The following JMJD6 variants were observed in gnomAD, a reference collection of about 807,000 sequenced individuals.
The protein encoded by JMJD6 is jumonji domain containing 6, arginine demethylase and lysine hydroxylase.
In JMJD6, 17 loss-of-function variants were observed where a neutral mutation model predicts 45.8. That is an observed-to-expected ratio of 0.37 (90% CI 0.25 to 0.56). The LOEUF is 0.56. Ranked by LOEUF, JMJD6 falls within the 20% of genes least tolerant of loss-of-function variation. The probability of loss-of-function intolerance (pLI) is 0.79; values close to 1 mark genes in which losing one functional copy is unlikely to be tolerated. For missense variants in JMJD6, 470 were observed against 517.5 expected (o/e 0.91, Z 0.89); for synonymous variants, 221 against 196.3 (o/e 1.13, Z -1.05).
intron 5 of JMJD6, 28 bp from the exon 6 acceptor site, chr17:76,718,888 A>C (rs751781093): frequency 1.6e-5 from 25 of 1,606,506 alleles, no homozygotes; most frequent in South Asian, 2.2e-5. Flanking sequence ...GAAAACAAGG[A>C]GTCAACCTGG....
chr17:76,717,641 A>G (rs933649490), downstream of JMJD6, among the ~76,000 whole-genome samples: 22 of 151,972 alleles, frequency 1.4e-4, no homozygotes, highest in Non-Finnish European at 2.9e-5. Flanking sequence ...TGAGGTGAGG[A>G]GTTCAAGACC....
At chr17:76,715,932 G>A (rs1703334252), downstream of JMJD6, 1 of 152,204 alleles carries the variant, frequency 6.6e-6, no homozygotes, top group South Asian at 2.1e-4. Context: ...GCTAATCTCA[G>A]AGTACCTCGC....
downstream of JMJD6, chr17:76,713,920 C>T (rs1003346683): frequency 6.6e-6 from 1 of 152,242 alleles, no homozygotes; most frequent in Admixed American, 6.5e-5. Flanking sequence ...TGAACAGCCG[C>T]AACAGCCGCA....
rs748132877 is a variant in JMJD6, at chr17:76,718,744, G to A, written c.1197C>T (p.Arg399=). The A allele has an allele frequency of 3.7e-6, 6 of 1,614,028 alleles. No homozygotes were observed. The highest frequency in any genetic ancestry group is 3.4e-6 in the Non-Finnish European group (4 of 1,179,984). The change falls in exon 6 of 6, where the codon CGC becomes CGT. Residue 399 remains arginine (R), a synonymous_variant. Transcript: ENST00000397625. ...CCTTGCTGGGTCACCTGGAGGAGCTGCGCTCTTTGCTGACACAGTCGTCCT... is the reference window on the plus strand; with the variant it reads ...CCTTGCTGGGTCACCTGGAGGAGCTACGCTCTTTGCTGACACAGTCGTCCT... The part of the protein sequence containing the change: ...TSQDDCVSKE[R]SSSR
At chr17:76,723,244 C>A (rs1009914612) in intron 3 of JMJD6, among the ~76,000 whole-genome samples, 2 of 152,040 alleles carry the variant, frequency 1.3e-5, no homozygotes, top group African/African-American at 4.8e-5. Context: ...CCGCACCGGG[C>A]CTGCATACAG....
chr17:76,717,890 C>T (rs1412416956), downstream of JMJD6, among the ~76,000 whole-genome samples: 1 of 151,862 alleles, frequency 6.6e-6, no homozygotes, highest in Non-Finnish European at 1.5e-5. Context: ...ACTCGGGAGG[C>T]TGAGGCAGGA....
chr17:76,723,983 G>A lies in JMJD6; in HGVS notation c.594C>T (p.Ala198=). 1 of 1,614,136 alleles carries A rather than the reference G, an allele frequency of 6.2e-7. No individual in the cohort carries two copies. The highest frequency in any genetic ancestry group is 1.3e-5 in the African/African-American group (1 of 75,026). Residue 198 remains alanine, a synonymous_variant, in exon 3 of 6, where the codon GCC becomes GCT. Coordinates refer to ENST00000397625, the MANE Select transcript of JMJD6 (RefSeq NM_015167.3). ...IDPLGTSAWN[A]LVQGHKRWCL... is the part of the protein sequence containing the mutation. Reference sequence around the variant, plus strand: ...ACCAGCGCTTGTGGCCCTGAACTAAGGCATTCCAGGCACTGGTTCCCAGAG... The same window carrying A: ...ACCAGCGCTTGTGGCCCTGAACTAAAGCATTCCAGGCACTGGTTCCCAGAG...
At chr17:76,721,383 TC>T in intron 4 of JMJD6, 1 of 390,470 alleles carries the variant, frequency 2.6e-6, no homozygotes. Flanking sequence ...GAGCTAAGTC[TC>T]CAGGGCAGTC....
chr17:76,718,600 T>C lies in JMJD6; in HGVS notation c.*129A>G, dbSNP rs745679100. On this transcript the variant is annotated 3_prime_UTR_variant, in exon 6 of 6. Coordinates refer to ENST00000397625, the MANE Select transcript of JMJD6 (RefSeq NM_015167.3). ...CAAACGCTAAGTGAATGGGTTCCCG[T>C]GCCGAGGGTGTCCTCATTCTTGGGC... is the stretch of plus-strand genomic sequence containing the variant. 1.4e-5 allele frequency: 21 copies of C among 1,469,496 alleles called. No individual in the cohort carries two copies. The East Asian group carries it at 4.4e-4, about 31-fold the overall frequency. 91.0% of individuals were successfully genotyped at this position (1,469,496 alleles called of 1,614,324 possible). A position where few individuals can be genotyped will look rare whatever the true frequency, so the allele number is the denominator to read the frequency against.
rs765955362 is a variant in JMJD6 at position 76,720,417 on chromosome 17, GTCGGAAGCTAT to G, written c.1012_1022del (p.Ile338GlnfsTer138). 1 of 1,614,144 alleles carries G rather than the reference GTCGGAAGCTAT, an allele frequency of 6.2e-7. No homozygotes were observed. The highest frequency in any genetic ancestry group is 8.5e-7 in the Non-Finnish European group (1 of 1,179,980). Reference sequence around the variant, plus strand: ...AGGAGCTGGAAGAGTCGCTGGAGCTGTCGGAAGCTATCCCTGTGGACTCCTGAAGGTCAACC... The same window carrying G: ...AGGAGCTGGAAGAGTCGCTGGAGCTGCCCTGTGGACTCCTGAAGGTCAACC... On this transcript the variant is annotated frameshift_variant, in exon 5 of 6. Coordinates refer to ENST00000397625, the MANE Select transcript of JMJD6 (RefSeq NM_015167.3). LOFTEE classifies it high-confidence loss of function.
intron 1 of JMJD6, 23 bp from the exon 2 acceptor site, chr17:76,725,878 G>T: frequency 1.9e-6 from 3 of 1,541,126 alleles, no homozygotes; most frequent in South Asian, 2.5e-5. Flanking sequence ...AAAAAGACCT[G>T]TCCAGTTAAA....
chr17:76,719,919 C>T (rs900251974), intron 5 of JMJD6, among the ~76,000 whole-genome samples: 1 of 152,056 alleles, frequency 6.6e-6, no homozygotes, highest in Non-Finnish European at 1.5e-5. Context: ...GTCAGGAGTT[C>T]GAGACCAGCC....
intron 1 of JMJD6, among the ~76,000 whole-genome samples, 194 bp downstream of exon 1, chr17:76,726,153 G>A (rs1260431202): frequency 2.0e-5 from 3 of 152,238 alleles, no homozygotes; most frequent in Non-Finnish European, 4.4e-5. Context: ...AGAGCAGACG[G>A]GCGGCCACAG....
downstream of JMJD6, chr17:76,713,815 A>C (rs531630616): frequency 6.6e-6 from 1 of 152,352 alleles, no homozygotes; most frequent in East Asian, 1.9e-4. Flanking sequence ...CCTTAAGTAT[A>C]CATTGGTGTT....
chr17:76,719,119 A>C (rs1424885710), intron 5 of JMJD6, among the ~76,000 whole-genome samples: 1 of 152,202 alleles, frequency 6.6e-6, no homozygotes, highest in African/African-American at 2.4e-5. Flanking sequence ...CTGTCTGAAT[A>C]GGATACCCAT....
At chr17:76,723,586 G>A (rs981604461) in intron 3 of JMJD6, among the ~76,000 whole-genome samples, 186 bp downstream of exon 3, 18 of 151,800 alleles carry the variant, frequency 1.2e-4, no homozygotes, top group African/African-American at 4.1e-4. Context: ...GACTATAGGC[G>A]CCCACCACCA....
Position 76,725,567 on chromosome 17 carries a change from G to A in JMJD6, c.418C>T (p.His140Tyr). Residue 140 changes from histidine to tyrosine, a missense_variant, in exon 2 of 6, where the codon CAC (histidine) becomes TAC (tyrosine). His to Tyr is a moderately conservative substitution (Grantham distance 83). This residue lies in a region of JMJD6 where 346 missense variants were observed against 339.5 expected (regional missense o/e 1.02). Coordinates refer to ENST00000397625, the MANE Select transcript of JMJD6 (RefSeq NM_015167.3). ...TCCAAAAGTTTCCTTCTTTTAGGGT[G>A]TTCACCATAGCTGCTGTCAAAGATG... The part of the protein sequence containing the change: ...LYIFDSSYGE[H>Y]PKRRKLLEDY... The A allele has an allele frequency of 3.1e-6, 5 of 1,614,086 alleles. No individual in the cohort carries two copies. Among genetic ancestry groups the A allele is most frequent in the Non-Finnish European group, 3.4e-6 (4 of 1,180,008 alleles).
In JMJD6 at chr17:76,720,284, AAG is replaced by A. The variant is rs1247227404; in HGVS notation, c.1080+74_1080+75del. ...TATCCTTCTCCTGGATAGGAGGAGG[AAG>A]AGTCACACCTGGTTATGACTGAGTT... On this transcript the variant is annotated intron_variant, in intron 5 of 5. Transcript: ENST00000397625. 6 of 1,323,186 alleles carry A rather than the reference AAG, an allele frequency of 4.5e-6. No homozygotes were observed. The Admixed American group carries it at 1.0e-4, about 23-fold the overall frequency. The allele number at this position is 1,323,186 out of a possible 1,614,324, so 82.0% of individuals were successfully genotyped here.
intron 3 of JMJD6, among the ~76,000 whole-genome samples, chr17:76,723,304 A>T (rs2076851855): frequency 6.6e-6 from 1 of 152,142 alleles, no homozygotes. Flanking sequence ...CTCCCAAAGT[A>T]TGTGACACTA....
Sources: allele counts gnomAD v4.1 joint callset (sites outside exome capture counted in the v4.1 genomes callset), GRCh38; gene constraint gnomAD v4.1.1; regional missense constraint gnomAD v4.1.1; transcripts MANE v1.5; gene names NCBI Gene and HGNC (gene_info 2026-07-23, HGNC 2026-07-21).